CTBP1: variants seen among roughly 807,000 people sequenced by gnomAD.
The protein encoded by CTBP1 is C-terminal-binding protein 1.
A neutral mutation model predicts 42.1 loss-of-function variants in CTBP1; 11 were observed. The observed-to-expected ratio is 0.26, with a 90% CI of 0.16 to 0.43. The LOEUF (loss-of-function observed/expected upper bound fraction) is 0.43. CTBP1 is among the 20% of genes least tolerant of loss of function. CTBP1 has a pLI of 1.00. For missense variants in CTBP1, 399 were observed against 624.3 expected, an observed-to-expected ratio of 0.64 and a Z score of 3.85; for synonymous variants, 324 against 277.1, an observed-to-expected ratio of 1.17 and a Z score of -1.68.
intron 1 of CTBP1, chr4:1,243,764 G>A: frequency 4.1e-6 from 4 of 985,428 alleles, no homozygotes; most frequent in Non-Finnish European, 4.8e-6. Context: ...ACACTCCGAG[G>A]TGAAGGCACA....
At chr4:1,249,743 C>CG, upstream of CTBP1, 1 of 359,718 alleles carries the variant, frequency 2.8e-6, no homozygotes, top group Non-Finnish European at 5.7e-6. Flanking sequence ...CTGGAGGGAC[C>CG]GCGTCCTGCC....
rs770287962 is a variant in CTBP1 at position 1,212,285 on chromosome 4, G to A, written c.1245C>T (p.Thr415=). 5.2e-6 allele frequency: 8 copies of A among 1,534,266 alleles called. No individual in the cohort carries two copies. The highest frequency in any genetic ancestry group is 1.8e-4 in the Middle Eastern group (1 of 5,526). ...GGTCTCTATCCGCCTCGGGCTTGAC[G>A]GTTTGGCCAGGAGAAGGGGCGTGGG... ...HPPHAPSPGQ[T]VKPEADRDHA... Residue 415 remains threonine (T), a synonymous_variant, in exon 10 of 10, where the codon ACC becomes ACT. Coordinates refer to ENST00000382952, the MANE Select transcript of CTBP1 (RefSeq NM_001012614.2).
Position 1,223,569 on chromosome 4 carries a change from G to A in CTBP1, c.514+1791C>T, listed in dbSNP as rs113583935. ...TCAAGGGGAGTCCCTGGCATGGCAA[G>A]GCCCTTGCATCCCCATGGGGCCTCC... is the stretch of plus-strand genomic sequence containing the variant. On this transcript the variant is annotated intron_variant, in intron 5 of 9. Coordinates refer to ENST00000382952, the MANE Select transcript of CTBP1 (RefSeq NM_001012614.2). 664 of 448,988 alleles carry A rather than the reference G, an allele frequency of 1.5e-3. 7 individuals are homozygous for A. Among genetic ancestry groups the A allele is most frequent in the African/African-American group, 0.012 (605 of 49,778 alleles). 27.8% of individuals were successfully genotyped at this position (448,988 alleles called of 1,614,324 possible).
rs1186191372 is a variant in CTBP1, at chr4:1,233,643, G to A, written c.162+4540C>T. 6.6e-6 allele frequency among the ~76,000 whole-genome samples: 1 copy of A among 152,192 alleles called. No homozygotes were observed. The highest frequency in any genetic ancestry group is 1.5e-5 in the Non-Finnish European group (1 of 68,038). On this transcript the variant is annotated intron_variant, in intron 3 of 9. Coordinates refer to ENST00000382952, the MANE Select transcript of CTBP1 (RefSeq NM_001012614.2). This position sits in a 1 kb window ranked among gnomAD's most constrained non-coding sequence, Gnocchi z 4.6. Reference sequence around the variant, plus strand: ...GGGCTGGGCTGAGTCTTGTGTCCCGGTGGGTGACATCCCCCACCCGTGGTA... The same window carrying A: ...GGGCTGGGCTGAGTCTTGTGTCCCGATGGGTGACATCCCCCACCCGTGGTA...
Position 1,213,613 on chromosome 4 carries a change from C to A in CTBP1, c.861-8G>T. 2 of 1,612,410 alleles carry A rather than the reference C, an allele frequency of 1.2e-6. No individual in the cohort carries two copies. The highest frequency in any genetic ancestry group is 2.2e-5 in the South Asian group (2 of 91,068). ...AGAGGGCCCTGGCTAAAGCTGGGAA[C>A]AGCACAGGCATGGTCAGTGCAGCCT... is the stretch of plus-strand genomic sequence containing the variant. On this transcript the variant is annotated splice_region_variant and splice_polypyrimidine_tract_variant and intron_variant, in intron 7 of 9. Coordinates refer to ENST00000382952, the MANE Select transcript of CTBP1 (RefSeq NM_001012614.2).
chr4:1,223,634 AG>A, intron 5 of CTBP1: 1 of 390,370 alleles, frequency 2.6e-6, no homozygotes, highest in Non-Finnish European at 5.1e-6. Context: ...AGCTGGGCCA[AG>A]GTGTCCAGGG....
rs553785686 is a variant in CTBP1 at position 1,213,724 on chromosome 4, G to A, written c.861-119C>T. On this transcript the variant is annotated intron_variant, in intron 7 of 9. Coordinates refer to ENST00000382952, the MANE Select transcript of CTBP1 (RefSeq NM_001012614.2). ...CCTGCCTGGGAACCACAGACCCCACGGCCCTGCTCTGCTCGGCAGGCTGGC... is the reference window on the plus strand; with the variant it reads ...CCTGCCTGGGAACCACAGACCCCACAGCCCTGCTCTGCTCGGCAGGCTGGC... 414 of 1,350,752 alleles carry A rather than the reference G, an allele frequency of 3.1e-4. 1 individual carries two copies. The African/African-American group carries it at 5.0e-3, about 16-fold the overall frequency. 83.7% of individuals were successfully genotyped at this position (1,350,752 alleles called of 1,614,324 possible). A position where few individuals can be genotyped will look rare whatever the true frequency, so the allele number is the denominator to read the frequency against.
chr4:1,225,315 C>T, intron 5 of CTBP1, 45 bp downstream of exon 5: 2 of 1,514,068 alleles, frequency 1.3e-6, no homozygotes, highest in Middle Eastern at 2.3e-4. Context: ...AGCGGCAGCG[C>T]CAGACACAGG....
At chr4:1,246,197 G>A (rs571677685) in intron 1 of CTBP1, among the ~76,000 whole-genome samples, 3 of 152,266 alleles carry the variant, frequency 2.0e-5, no homozygotes, top group African/African-American at 4.8e-5. Flanking sequence ...TGGAGGACCC[G>A]GGGGTCCAGA....
chr4:1,221,813 A>C (rs1266503220), intron 5 of CTBP1: 1 of 447,206 alleles, frequency 2.2e-6, no homozygotes, highest in Non-Finnish European at 4.5e-6. Context: ...CATGGGGTGA[A>C]TGTGTACAAT....
chr4:1,225,314 G>T (rs1019619914), intron 5 of CTBP1, 46 bp downstream of exon 5: 23 of 1,511,510 alleles, frequency 1.5e-5, no homozygotes, highest in Non-Finnish European at 1.9e-5. Context: ...GAGCGGCAGC[G>T]CCAGACACAG....
chr4:1,241,626 C>CCCTA, intron 1 of CTBP1, 107 bp from the exon 2 acceptor site: 1 of 1,412,788 alleles, frequency 7.1e-7, no homozygotes, highest in Non-Finnish European at 9.4e-7. Flanking sequence ...ATCTGCCACA[C>CCCTA]CCGGGACTGC....
In CTBP1 at chr4:1,213,563, G is replaced by A; in HGVS notation, c.903C>T (p.Cys301=). ...CGCTGTACCATGCAGCATGGGGGGT[G>A]CAGATGAGGTTGGGTGCATCCTTCA... ...GPLKDAPNLI[C]TPHAAWYSEQ... is the part of the protein sequence containing the mutation. The change falls in exon 8 of 10, where the codon TGC becomes TGT. Residue 301 remains cysteine, a synonymous_variant. Transcript: ENST00000382952. The A allele has an allele frequency of 6.2e-7, 1 of 1,613,328 alleles. No homozygotes were observed. Among genetic ancestry groups the A allele is most frequent in the Non-Finnish European group, 8.5e-7 (1 of 1,179,926 alleles).
chr4:1,241,394 G>A lies in CTBP1; in HGVS notation c.-63C>T. The stretch of plus-strand genomic sequence containing the variant: ...GACTTTTCAAAGCTTTTTATCTTCA[G>A]GATCCCCAGGCAGAACCGCGTCCTG... On this transcript the variant is annotated 5_prime_UTR_variant, in exon 2 of 10. Coordinates refer to ENST00000382952, the MANE Select transcript of CTBP1 (RefSeq NM_001012614.2). 1 of 1,210,750 alleles carries A rather than the reference G, an allele frequency of 8.3e-7. No individual in the cohort carries two copies. Among genetic ancestry groups the A allele is most frequent in the Non-Finnish European group, 1.2e-6 (1 of 811,354 alleles). 75.0% of individuals were successfully genotyped at this position (1,210,750 alleles called of 1,614,324 possible).
At chr4:1,247,771 G>GT (rs1553852062) in intron 1 of CTBP1, among the ~76,000 whole-genome samples, 2 of 146,546 alleles carry the variant, frequency 1.4e-5, no homozygotes, top group Admixed American at 6.7e-5. Context: ...CCGGGGAGGG[G>GT]GGGGGGGCTC....
At position 1,225,584 on chromosome 4, in the gene CTBP1, C is replaced by T. The variant is rs774790849; in HGVS notation, c.308-18G>A. ...GGCAATGCCTGTGGGGACAAGGACA[C>T]GGCGGTCACCCCCGGGCCGGGCCCA... On this transcript the variant is annotated intron_variant, in intron 4 of 9. Coordinates refer to ENST00000382952, the MANE Select transcript of CTBP1 (RefSeq NM_001012614.2). 50 of 1,535,338 alleles carry T rather than the reference C, an allele frequency of 3.3e-5. No individual in the cohort carries two copies. The highest frequency in any genetic ancestry group is 1.2e-4 in the South Asian group (10 of 83,716).
At chr4:1,232,392 A>G (rs1577056636) in intron 3 of CTBP1, among the ~76,000 whole-genome samples, 1 of 152,050 alleles carries the variant, frequency 6.6e-6, no homozygotes, top group Admixed American at 6.5e-5. Flanking sequence ...GCTCACTGCA[A>G]CCTCTGCCTC....
chr4:1,229,092 TC>T (rs1730695209), intron 3 of CTBP1, among the ~76,000 whole-genome samples: 1 of 152,162 alleles, frequency 6.6e-6, no homozygotes, highest in African/African-American at 2.4e-5. Flanking sequence ...GCGCCTCCAC[TC>T]AGCCAGTACA....
intron 5 of CTBP1, chr4:1,221,930 A>G: frequency 2.9e-6 from 1 of 350,346 alleles, no homozygotes; most frequent in Non-Finnish European, 5.8e-6. Flanking sequence ...CGGGCACCAG[A>G]GCCTCGTAGA....
Sources: allele counts gnomAD v4.1 joint callset (sites outside exome capture counted in the v4.1 genomes callset), GRCh38; gene constraint gnomAD v4.1.1; non-coding constraint Gnocchi (gnomAD v3.1); transcripts MANE v1.5; gene names NCBI Gene and HGNC (gene_info 2026-07-23, HGNC 2026-07-21).